The following TRAF2 variants were observed in gnomAD, a reference collection of about 807,000 sequenced individuals.
TRAF2 encodes TNF receptor-associated factor 2.
Under a neutral mutation model 55.6 loss-of-function variants are expected in TRAF2, and 6 were observed. That is an observed-to-expected ratio of 0.11 (90% CI 0.06 to 0.21). TRAF2 has a LOEUF of 0.21. Ranked by LOEUF, TRAF2 falls within the 10% of genes least tolerant of loss-of-function variation. TRAF2 has a pLI of 1.00. For missense variants in TRAF2, 561 were observed against 684.5 expected, an observed-to-expected ratio of 0.82 and a Z score of 2.01; for synonymous variants, 329 against 276.3, an observed-to-expected ratio of 1.19 and a Z score of -1.89.
At chr9:136,894,359 T>C (rs1435260993) in intron 1 of TRAF2, among the ~76,000 whole-genome samples, 1 of 152,144 alleles carries the variant, frequency 6.6e-6, no homozygotes, top group Non-Finnish European at 1.5e-5. Flanking sequence ...GTGGCCCTTT[T>C]TCAGGGGTTT....
rs1248605148 is a variant in TRAF2, at chr9:136,923,412, A to C, written c.1139-440A>C. Among the ~76,000 whole-genome samples the C allele has an allele frequency of 4.6e-5, 7 of 152,164 alleles. No homozygotes were observed. In the East Asian group the frequency reaches 1.4e-3, roughly 29 times the overall value. ...GATCGCCTGAGGGCAGGAGTTTGAG[A>C]CCATCCTGGCCAACATGGTAAAACC... On this transcript the variant is annotated intron_variant, in intron 9 of 10. Transcript: ENST00000247668.
chr9:136,884,101 A>T (rs766656851), upstream of TRAF2, among the ~76,000 whole-genome samples: 2 of 151,514 alleles, frequency 1.3e-5, no homozygotes, highest in Non-Finnish European at 2.9e-5. Context: ...GGGGTGAGCC[A>T]CCGCGCCCGG....
At chr9:136,896,112 G>A (rs190421569) in intron 1 of TRAF2, among the ~76,000 whole-genome samples, 1 of 152,226 alleles carries the variant, frequency 6.6e-6, no homozygotes, top group African/African-American at 2.4e-5. Context: ...CCCACTGGAA[G>A]TCCCTCTCTA....
intron 4 of TRAF2, among the ~76,000 whole-genome samples, chr9:136,907,745 G>A (rs17243998): frequency 0.016 from 2,498 of 152,256 alleles, 45 homozygotes; most frequent in African/African-American, 0.044. Context: ...ACCCGCTGGC[G>A]CAGAGCAGGG....
At chr9:136,905,857 C>T (rs530034701) in intron 4 of TRAF2, among the ~76,000 whole-genome samples, 2 of 152,284 alleles carry the variant, frequency 1.3e-5, no homozygotes, top group South Asian at 4.1e-4. Context: ...GTAATCCCAG[C>T]ACTTTGGGAG....
chr9:136,894,529 C>G (rs999190546), intron 1 of TRAF2, among the ~76,000 whole-genome samples: 1 of 151,736 alleles, frequency 6.6e-6, no homozygotes, highest in African/African-American at 2.4e-5. Context: ...GGACCAGCAC[C>G]GGGGCTCTTC....
intron 1 of TRAF2, among the ~76,000 whole-genome samples, chr9:136,893,963 T>C (rs922932934): frequency 1.3e-5 from 2 of 151,772 alleles, no homozygotes; most frequent in Non-Finnish European, 2.9e-5. Context: ...TTGGTCGGGC[T>C]GGTCTCAAAC....
At chr9:136,921,455 G>C (rs1250881382) in intron 9 of TRAF2, among the ~76,000 whole-genome samples, 3 of 152,132 alleles carry the variant, frequency 2.0e-5, no homozygotes, top group African/African-American at 7.2e-5. Context: ...CTCCTGCCGT[G>C]CCAGCCCTCG....
intron 4 of TRAF2, 25 bp downstream of exon 4, chr9:136,900,545 G>A: frequency 6.3e-7 from 1 of 1,596,510 alleles, no homozygotes; most frequent in East Asian, 2.2e-5. Flanking sequence ...GTGTGGCATG[G>A]TGACAGAAGC....
In TRAF2 at chr9:136,913,816, A is replaced by G. The variant is rs192053807; in HGVS notation, c.604-2725A>G. 3.1e-4 allele frequency among the ~76,000 whole-genome samples: 47 copies of G among 149,834 alleles called. No homozygotes were observed. In the East Asian group the frequency reaches 5.4e-3, roughly 17 times the overall value. ...CTCATCCTCCCAGCCCCTCCTCTCC[A>G]TCTTTGCTGGTTTTGCTGGAGCCTT... is the stretch of plus-strand genomic sequence containing the variant. On this transcript the variant is annotated intron_variant, in intron 6 of 10. Coordinates refer to ENST00000247668, the MANE Select transcript of TRAF2 (RefSeq NM_021138.4).
chr9:136,910,876 A>G (rs1850087800), intron 6 of TRAF2, among the ~76,000 whole-genome samples: 1 of 152,140 alleles, frequency 6.6e-6, no homozygotes, highest in Non-Finnish European at 1.5e-5. Flanking sequence ...CCGCACTGTG[A>G]GCTTGGCCGA....
At chr9:136,904,004 T>C (rs549402223) in intron 4 of TRAF2, among the ~76,000 whole-genome samples, 1 of 152,230 alleles carries the variant, frequency 6.6e-6, no homozygotes, top group South Asian at 2.1e-4. Context: ...ATTTTTGACA[T>C]TTCGAGCATG....
intron 1 of TRAF2, among the ~76,000 whole-genome samples, chr9:136,893,757 CT>C (rs970685804): frequency 3.3e-5 from 5 of 151,514 alleles, no homozygotes; most frequent in African/African-American, 1.2e-4. Flanking sequence ...TTCTTTTTTA[CT>C]TTTTTTTTCG....
Position 136,926,072 on chromosome 9 carries a change from C to T in TRAF2, c.*171C>T, listed in dbSNP as rs1234149903. On this transcript the variant is annotated 3_prime_UTR_variant, in exon 11 of 11. Transcript: ENST00000247668. ...TCACTGTCACGGGGGAAGGAGCCAC[C>T]AGCCAGTCCTCAGATTTCAGAGACT... 1.2e-6 allele frequency: 1 copy of T among 837,978 alleles called. No homozygotes were observed. The highest frequency in any genetic ancestry group is 2.0e-6 in the Non-Finnish European group (1 of 490,782). The allele number at this position is 837,978 out of a possible 1,614,324, so 51.9% of individuals were successfully genotyped here. A position where few individuals can be genotyped will look rare whatever the true frequency, so the allele number is the denominator to read the frequency against.
intron 6 of TRAF2, among the ~76,000 whole-genome samples, chr9:136,912,152 CTTTT>C (rs1180324647): frequency 3.4e-5 from 2 of 58,302 alleles, no homozygotes; most frequent in Non-Finnish European, 6.1e-5. Flanking sequence ...GCGTCTGGCC[CTTTT>C]TTTTTTTTTT....
Position 136,923,864 on chromosome 9 carries a change from G to C in TRAF2, c.1151G>C (p.Ser384Thr). 2 of 1,613,600 alleles carry C rather than the reference G, an allele frequency of 1.2e-6. No homozygotes were observed. Among genetic ancestry groups the C allele is most frequent in the Non-Finnish European group, 8.5e-7 (1 of 1,179,878 alleles). Residue 384 changes from serine to threonine, a missense_variant, in exon 10 of 11, where the codon AGC becomes ACC. Ser to Thr is a moderately conservative substitution (Grantham distance 58, BLOSUM62 1). Transcript: ENST00000247668. The stretch of plus-strand genomic sequence containing the variant: ...CCTGCCTCCCCAGCCTTCTACACCA[G>C]CAGGTACGGCTACAAGATGTGTCTG... ...PAIFSPAFYT[S>T]RYGYKMCLRI...
At chr9:136,907,614 C>G (rs547912249) in intron 4 of TRAF2, among the ~76,000 whole-genome samples, 1 of 152,220 alleles carries the variant, frequency 6.6e-6, no homozygotes, top group Non-Finnish European at 1.5e-5. Context: ...CTCTTCACAC[C>G]TCCCACCTGC....
chr9:136,924,888 A>ATG lies in TRAF2; in HGVS notation c.1288-795_1288-794insTG. Among the ~76,000 whole-genome samples the ATG allele has an allele frequency of 2.6e-5, 4 of 151,964 alleles. No homozygotes were observed. The South Asian group carries it at 8.3e-4, about 32-fold the overall frequency. On this transcript the variant is annotated intron_variant, in intron 10 of 10. Transcript: ENST00000247668. ...TGAGTAGCTGGGACTACAGGCATGC[A>ATG]CCACCACGCCCAGCTAATTTTTGTA...
intron 1 of TRAF2, among the ~76,000 whole-genome samples, chr9:136,891,724 C>G (rs1192096464): frequency 6.9e-6 from 1 of 144,656 alleles, no homozygotes; most frequent in Non-Finnish European, 1.5e-5. Context: ...CACCCTGAAT[C>G]TTTTTTTTTT....
Sources: allele counts gnomAD v4.1 joint callset (sites outside exome capture counted in the v4.1 genomes callset), GRCh38; gene constraint gnomAD v4.1.1; transcripts MANE v1.5; gene names NCBI Gene and HGNC (gene_info 2026-07-23, HGNC 2026-07-21).